CDYL: variants seen among roughly 807,000 people sequenced by gnomAD.
The protein encoded by CDYL is chromodomain Y like, also known as chromodomain Y-like protein.
CDYL carries 8 observed loss-of-function variants against 47.3 expected under a neutral mutation model. The observed-to-expected ratio is 0.17, with a 90% CI of 0.10 to 0.31. CDYL has a LOEUF of 0.31. CDYL is among the 10% of genes least tolerant of loss of function. The pLI, the probability that CDYL is intolerant of heterozygous loss-of-function variation, is 1.00. For missense variants in CDYL, 471 were observed against 701.4 expected, an observed-to-expected ratio of 0.67 and a Z score of 3.71; for synonymous variants, 266 against 265.0, an observed-to-expected ratio of 1.00 and a Z score of -0.04.
intron 5 of CDYL, among the ~76,000 whole-genome samples, chr6:4,945,391 C>T (rs145650851): frequency 6.6e-6 from 1 of 152,166 alleles, no homozygotes; most frequent in African/African-American, 2.4e-5. Context: ...AGACTGTGTC[C>T]CCCAGTGCCG....
intron 1 of CDYL, among the ~76,000 whole-genome samples, chr6:4,802,079 GGCTTTTGTTT>G (rs1284186133): frequency 6.6e-6 from 1 of 152,144 alleles, no homozygotes; most frequent in African/African-American, 2.4e-5. Flanking sequence ...GTGAGGAACT[GGCTTTTGTTT>G]GCCCCCATGT....
At chr6:4,745,662 A>G (rs921341093) in intron 3 of CDYL, among the ~76,000 whole-genome samples, 1 of 152,222 alleles carries the variant, frequency 6.6e-6, no homozygotes, top group African/African-American at 2.4e-5. Flanking sequence ...TAGAAGTGTC[A>G]CCAGGGTCAA....
At chr6:4,723,289 G>T (rs765527250) in intron 2 of CDYL, among the ~76,000 whole-genome samples, 1 of 152,082 alleles carries the variant, frequency 6.6e-6, no homozygotes, top group African/African-American at 2.4e-5. Context: ...TTATATCAGG[G>T]ACTTGAGCAT....
chr6:4,826,147 T>C (rs1294606143), intron 1 of CDYL, among the ~76,000 whole-genome samples: 1 of 152,264 alleles, frequency 6.6e-6, no homozygotes, highest in African/African-American at 2.4e-5. Flanking sequence ...ATAATCTATG[T>C]GAGATATGTG....
intron 1 of CDYL, among the ~76,000 whole-genome samples, chr6:4,869,709 C>T (rs1444313032): frequency 6.6e-6 from 1 of 152,152 alleles, no homozygotes; most frequent in African/African-American, 2.4e-5. Context: ...GTCAGTATAT[C>T]AGCTTTACTT....
At position 4,824,374 on chromosome 6, in the gene CDYL, G is replaced by A. The variant is rs1056623433; in HGVS notation, c.24+47567G>A. Among the ~76,000 whole-genome samples, 27 of 144,434 alleles carry A rather than the reference G, an allele frequency of 1.9e-4. 1 individual carries two copies. The highest frequency in any genetic ancestry group is 6.7e-4 in the African/African-American group (23 of 34,210). The allele number at this position is 144,434 out of a possible 152,430, so 94.8% of individuals were successfully genotyped here. ...ACCATTTTACATTTCCACTAGCAGC[G>A]CTCGGCTCGGCAGCACTTATTTTCC... On this transcript the variant is annotated intron_variant, in intron 1 of 6. Transcript: ENST00000397588.
chr6:4,714,282 G>A (rs1757212455), intron 1 of CDYL: 2 of 152,142 alleles, frequency 1.3e-5, no homozygotes, highest in Admixed American at 1.3e-4. Flanking sequence ...GTCAAGTTCT[G>A]ACAGAGTAAG....
intron 2 of CDYL, among the ~76,000 whole-genome samples, chr6:4,723,905 C>T (rs1452416523): frequency 1.3e-5 from 2 of 152,196 alleles, no homozygotes; most frequent in Non-Finnish European, 2.9e-5. Context: ...TCAAGTTATT[C>T]ATTCCTTATG....
In CDYL at chr6:4,717,740, A is replaced by AAAAAAAAAAAT. The variant is rs1491395482; in HGVS notation, c.103+1859_103+1860insAAAAAAAAAAT. On this transcript the variant is annotated intron_variant, in intron 2 of 8. Coordinates refer to the CDYL transcript ENST00000328908. ...AAAAAAAAAAAAAAAAAAAAAAAAA[A>AAAAAAAAAAAT]TTAAAAATTGAAAGGGATTTTTGTT... 8.4e-5 allele frequency among the ~76,000 whole-genome samples: 10 copies of AAAAAAAAAAAT among 118,822 alleles called. 1 individual carries two copies. Among genetic ancestry groups the AAAAAAAAAAAT allele is most frequent in the African/African-American group, 3.0e-4 (9 of 30,050 alleles). The allele number at this position is 118,822 out of a possible 152,430, so 78.0% of individuals were successfully genotyped here. A position where few individuals can be genotyped will look rare whatever the true frequency, so the allele number is the denominator to read the frequency against.
intron 3 of CDYL, among the ~76,000 whole-genome samples, chr6:4,753,364 T>C (rs1229803201): frequency 6.6e-6 from 1 of 152,192 alleles, no homozygotes; most frequent in Non-Finnish European, 1.5e-5. Flanking sequence ...CTGTCAGTGC[T>C]AAAGATGTGT....
chr6:4,760,216 T>G (rs1758153349), intron 3 of CDYL, among the ~76,000 whole-genome samples: 1 of 152,006 alleles, frequency 6.6e-6, no homozygotes, highest in African/African-American at 2.4e-5. Flanking sequence ...CAGTCCAAAG[T>G]GGATGGCATT....
chr6:4,898,532 A>G (rs767557527), intron 2 of CDYL, among the ~76,000 whole-genome samples: 5 of 152,190 alleles, frequency 3.3e-5, no homozygotes, highest in Non-Finnish European at 7.3e-5. Context: ...TAGAAATCAA[A>G]CGAGAGGGGA....
chr6:4,723,509 G>C (rs1263688917), intron 2 of CDYL, among the ~76,000 whole-genome samples: 1 of 152,154 alleles, frequency 6.6e-6, no homozygotes, highest in Non-Finnish European at 1.5e-5. Flanking sequence ...AGCATCCTGG[G>C]CTAGCAAGAG....
At chr6:4,801,603 C>T (rs942825655) in intron 1 of CDYL, among the ~76,000 whole-genome samples, 4 of 152,138 alleles carry the variant, frequency 2.6e-5, no homozygotes, top group African/African-American at 9.7e-5. Flanking sequence ...GGTCTTTGCA[C>T]TGGTGGTGGT....
intron 1 of CDYL, among the ~76,000 whole-genome samples, chr6:4,713,487 ACT>A (rs1202956760): frequency 1.1e-4 from 17 of 151,874 alleles, no homozygotes; most frequent in African/African-American, 4.1e-4. Context: ...AGACAACTCG[ACT>A]CTATCTGTAT....
chr6:4,776,619 G>T lies in CDYL; in HGVS notation c.-165G>T. The T allele has an allele frequency of 2.7e-6, 1 of 375,016 alleles. No homozygotes were observed. Among genetic ancestry groups the T allele is most frequent in the South Asian group, 6.5e-5 (1 of 15,496 alleles). The allele number at this position is 375,016 out of a possible 1,614,324, so 23.2% of individuals were successfully genotyped here. A position where few individuals can be genotyped will look rare whatever the true frequency, so the allele number is the denominator to read the frequency against. The stretch of plus-strand genomic sequence containing the variant: ...CACAACCCCGCCGCGCCGCCGGCCC[G>T]CACTGGCCGCGGAGTGCAAGAGGCT... On this transcript the variant is annotated 5_prime_UTR_variant, in exon 1 of 7. Transcript: ENST00000397588.
At chr6:4,771,950 A>C (rs1056431532), upstream of CDYL, among the ~76,000 whole-genome samples, 6 of 152,202 alleles carry the variant, frequency 3.9e-5, no homozygotes, top group African/African-American at 1.4e-4. Context: ...TGCTTTCCAA[A>C]AATGGGGTAA....
At chr6:4,931,711 C>T (rs9328278) in intron 2 of CDYL, among the ~76,000 whole-genome samples, 9,689 of 152,080 alleles carry the variant, frequency 0.064, 334 homozygotes, top group Non-Finnish European at 0.074. Context: ...ACAGGGAGTG[C>T]CAGGAATTAC....
At chr6:4,919,115 A>C (rs1328323035) in intron 2 of CDYL, among the ~76,000 whole-genome samples, 1 of 152,182 alleles carries the variant, frequency 6.6e-6, no homozygotes, top group African/African-American at 2.4e-5. Flanking sequence ...ACCGGAACAA[A>C]ACAAGTTCAA....
Sources: allele counts gnomAD v4.1 joint callset (sites outside exome capture counted in the v4.1 genomes callset), GRCh38; gene constraint gnomAD v4.1.1; transcripts MANE v1.5; gene names NCBI Gene and HGNC (gene_info 2026-07-23, HGNC 2026-07-21).